SCN1A: variants seen among roughly 807,000 people sequenced by gnomAD.
SCN1A encodes the protein sodium voltage-gated channel alpha subunit 1.
A neutral mutation model predicts 193.7 loss-of-function variants in SCN1A; 13 were observed. The ratio of observed to expected loss-of-function variants is 0.07; its 90% CI spans 0.04 to 0.11. SCN1A has a LOEUF of 0.11. Ranked by LOEUF, SCN1A falls within the 10% of genes least tolerant of loss-of-function variation. The probability of loss-of-function intolerance (pLI) is 1.00; values close to 1 mark genes in which losing one functional copy is unlikely to be tolerated. For synonymous variants in SCN1A, 781 were observed against 843.6 expected, an observed-to-expected ratio of 0.93 and a Z score of 1.29; for missense variants, 1,432 against 2,451.1, an observed-to-expected ratio of 0.58 and a Z score of 8.78.
chr2:166,072,842 T>TTG (rs1684588729), intron 4 of SCN1A, among the ~76,000 whole-genome samples: 1 of 123,304 alleles, frequency 8.1e-6, no homozygotes, highest in Admixed American at 7.5e-5. Flanking sequence ...TCTTTCTTTT[T>TTG]TTTTTTTTTT....
chr2:166,118,921 A>G (rs1392591607), intron 2 of SCN1A, among the ~76,000 whole-genome samples: 3 of 152,190 alleles, frequency 2.0e-5, no homozygotes, highest in Non-Finnish European at 4.4e-5. Flanking sequence ...TTTTGGCACC[A>G]GGGACTGGTT....
intron 2 of SCN1A, among the ~76,000 whole-genome samples, chr2:166,122,822 G>C (rs1264360240): frequency 6.6e-6 from 1 of 152,068 alleles, no homozygotes; most frequent in South Asian, 2.1e-4. Flanking sequence ...ATTAGGCAAC[G>C]GTTTCTTATA....
chr2:166,070,214 TAACTC>T (rs372921960), intron 4 of SCN1A, among the ~76,000 whole-genome samples: 100 of 152,296 alleles, frequency 6.6e-4, no homozygotes, highest in African/African-American at 2.3e-3. Context: ...TTCAAACACA[TAACTC>T]AATCATGTGT....
At chr2:166,049,001 T>C (rs1698211899) in intron 9 of SCN1A, 52 bp from the exon 10 acceptor site, 2 of 1,128,748 alleles carry the variant, frequency 1.8e-6, no homozygotes, top group East Asian at 4.7e-5. Context: ...TTAAAAACAC[T>C]CAAATGAGAA....
intron 23 of SCN1A, among the ~76,000 whole-genome samples, chr2:166,005,204 A>G (rs1691492202): frequency 6.6e-6 from 1 of 151,468 alleles, no homozygotes; most frequent in Admixed American, 6.6e-5. Flanking sequence ...TGTCTTGAAT[A>G]TAAGAACATA....
intron 3 of SCN1A, among the ~76,000 whole-genome samples, chr2:166,076,739 A>T (rs1446411481): frequency 1.3e-5 from 2 of 151,886 alleles, no homozygotes; most frequent in African/African-American, 2.4e-5. Flanking sequence ...GGCCCACATA[A>T]TTACAGCCAA....
At chr2:166,003,184 A>G (rs2105514464) in intron 23 of SCN1A, among the ~76,000 whole-genome samples, 1 of 151,624 alleles carries the variant, frequency 6.6e-6, no homozygotes, top group East Asian at 1.9e-4. Flanking sequence ...GATTTGACCA[A>G]TATATTTTTA....
intron 2 of SCN1A, among the ~76,000 whole-genome samples, chr2:166,100,337 C>A (rs1687904603): frequency 7.3e-6 from 1 of 137,042 alleles, no homozygotes; most frequent in Non-Finnish European, 1.6e-5. Flanking sequence ...TGGATCCCTT[C>A]CTTACACCTT....
chr2:166,096,314 G>T (rs150649348), intron 2 of SCN1A, among the ~76,000 whole-genome samples: 1 of 151,898 alleles, frequency 6.6e-6, no homozygotes, highest in Non-Finnish European at 1.5e-5. Context: ...ACAGAGTCTC[G>T]CTCTGTCGCC....
chr2:166,085,926 G>T (rs1012849359), intron 2 of SCN1A, among the ~76,000 whole-genome samples: 2 of 152,080 alleles, frequency 1.3e-5, no homozygotes, highest in East Asian at 1.9e-4. Flanking sequence ...ACAGAAAATA[G>T]GTCTTGAAAG....
intron 2 of SCN1A, among the ~76,000 whole-genome samples, chr2:166,100,210 A>G (rs1183823517): frequency 3.7e-5 from 5 of 134,764 alleles, no homozygotes; most frequent in South Asian, 4.7e-4. Flanking sequence ...ATAACGCCAC[A>G]TATCTACAAC....
chr2:166,125,802 A>G (rs1691179285), intron 2 of SCN1A, among the ~76,000 whole-genome samples: 1 of 152,108 alleles, frequency 6.6e-6, no homozygotes, highest in Non-Finnish European at 1.5e-5. Flanking sequence ...CAGCCCATAG[A>G]TGGACAATCC....
intron 2 of SCN1A, among the ~76,000 whole-genome samples, chr2:166,124,636 A>G (rs575246541): frequency 3.0e-4 from 45 of 152,300 alleles, no homozygotes; most frequent in Non-Finnish European, 5.1e-4. Flanking sequence ...GGCATGTCAG[A>G]AAGCAGATGA....
intron 16 of SCN1A, 57 bp from the exon 17 acceptor site, chr2:166,039,653 G>GC: frequency 6.8e-7 from 1 of 1,474,052 alleles, no homozygotes; most frequent in Non-Finnish European, 9.5e-7. Flanking sequence ...CATGACATAA[G>GC]ATTTGCTCTT....
At chr2:165,998,802 A>C (rs575195321) in intron 25 of SCN1A, among the ~76,000 whole-genome samples, 1 of 151,482 alleles carries the variant, frequency 6.6e-6, no homozygotes, top group Non-Finnish European at 1.5e-5. Flanking sequence ...AAAAGCAACA[A>C]AGTTAAAAAC....
At chr2:166,048,322 C>G (rs1698094522) in intron 10 of SCN1A, among the ~76,000 whole-genome samples, 1 of 152,004 alleles carries the variant, frequency 6.6e-6, no homozygotes, top group Non-Finnish European at 1.5e-5. Flanking sequence ...CTAGTACCCA[C>G]TAGTTATTTT....
At position 166,043,939 on chromosome 2, in the gene SCN1A, T is replaced by G. The variant is rs148461941; in HGVS notation, c.1773A>C (p.Ala591=). ...CCTCAAAGGTGCTGTGCTCATCATC[T>G]GCGAAGTCGTTCTCAGATCCCACAT... is the stretch of plus-strand genomic sequence containing the variant. ...AKDVGSENDF[A]DDEHSTFEDN... is the part of the protein sequence containing the mutation. Residue 591 remains alanine (A), a synonymous_variant, in exon 14 of 29, where the codon GCA becomes GCC. Coordinates refer to ENST00000674923, the MANE Select transcript of SCN1A (RefSeq NM_001165963.4). The G allele has an allele frequency of 6.2e-7, 1 of 1,614,086 alleles. No homozygotes were observed. Among genetic ancestry groups the G allele is most frequent in the African/African-American group, 1.3e-5 (1 of 74,950 alleles).
chr2:166,144,860 T>C (rs1442489316), intron 1 of SCN1A, among the ~76,000 whole-genome samples: 8 of 151,714 alleles, frequency 5.3e-5, no homozygotes, highest in Non-Finnish European at 4.4e-5. Flanking sequence ...ATGGTTTTTT[T>C]TTTTTTTTTG....
chr2:165,997,762 A>G lies in SCN1A; in HGVS notation c.4476+276T>C, dbSNP rs565693559. Reference sequence around the variant, plus strand: ...TCGGTTGCTTTCTAGTTTTATTCTAATTATTATTTTTTAAAAGATAGAAAA... The same window carrying G: ...TCGGTTGCTTTCTAGTTTTATTCTAGTTATTATTTTTTAAAAGATAGAAAA... On this transcript the variant is annotated intron_variant, in intron 26 of 28. Coordinates refer to ENST00000674923, the MANE Select transcript of SCN1A (RefSeq NM_001165963.4). Among the ~76,000 whole-genome samples, 5 of 151,364 alleles carry G rather than the reference A, an allele frequency of 3.3e-5. No homozygotes were observed. In the South Asian group the frequency reaches 1.0e-3, roughly 31 times the overall value.
Sources: allele counts gnomAD v4.1 joint callset (sites outside exome capture counted in the v4.1 genomes callset), GRCh38; gene constraint gnomAD v4.1.1; transcripts MANE v1.5; gene names NCBI Gene and HGNC (gene_info 2026-07-23, HGNC 2026-07-21).